Variants in MGAT4D observed in about 807,000 individuals in gnomAD.
MGAT4D encodes the protein MGAT4 family member D, also known as alpha-1,3-mannosyl-glycoprotein 4-beta-N-acetylglucosaminyltransferase-like protein MGAT4D.
Under a neutral mutation model 15.9 loss-of-function variants are expected in MGAT4D, and 34 were observed. The observed-to-expected ratio is 2.14, with a 90% CI of 1.62 to 2.84. The LOEUF is 2.84. MGAT4D is among the 30% of genes most tolerant of loss of function. The pLI is 0.00. For missense variants in MGAT4D, 327 were observed against 140.2 expected (o/e 2.33, Z -6.73); for synonymous variants, 112 against 48.2 (o/e 2.33, Z -5.49).
chr4:140,463,406 C>T (rs541345239), intron 6 of MGAT4D, among the ~76,000 whole-genome samples: 25 of 151,902 alleles, frequency 1.6e-4, no homozygotes, highest in Admixed American at 1.2e-3. Context: ...GCCAAAGGTG[C>T]GAAGGTGTGG....
intron 1 of MGAT4D, among the ~76,000 whole-genome samples, chr4:140,488,291 C>G (rs978895353): frequency 6.6e-6 from 1 of 152,162 alleles, no homozygotes; most frequent in African/African-American, 2.4e-5. Flanking sequence ...GCTGAGATTT[C>G]TATTCTTCCA....
chr4:140,485,850 C>CAAAAAAAAAAAAAAAAAA (rs1578712314), intron 1 of MGAT4D, among the ~76,000 whole-genome samples: 7 of 41,940 alleles, frequency 1.7e-4, no homozygotes, highest in East Asian at 6.1e-4. Flanking sequence ...AAAAAAAAAG[C>CAAAAAAAAAAAAAAAAAA]AATGATGATA....
chr4:140,474,889 T>C lies in MGAT4D; in HGVS notation c.449A>G (p.Gln150Arg), dbSNP rs757144493. ...VNRGNYSYLK[Q>R]TLTSVVSRMT... Reference sequence around the variant, plus strand: ...CCTGGAGACAACAGAGGTCAGTGTCTGTTTCAGGTAACTATAATTTCCTCT... The same window carrying C: ...CCTGGAGACAACAGAGGTCAGTGTCCGTTTCAGGTAACTATAATTTCCTCT... The change falls in exon 4 of 11, where the codon CAG becomes CGG. Residue 150 changes from glutamine (Q) to arginine (R), a missense_variant. Coordinates refer to ENST00000511113, the MANE Select transcript of MGAT4D (RefSeq NM_001277353.2). 1 of 699,526 alleles carries C rather than the reference T, an allele frequency of 1.4e-6. No individual in the cohort carries two copies. Among genetic ancestry groups the C allele is most frequent in the South Asian group, 1.5e-5 (1 of 66,766 alleles). The allele number at this position is 699,526 out of a possible 1,614,324, so 43.3% of individuals were successfully genotyped here. A position where few individuals can be genotyped will look rare whatever the true frequency, so the allele number is the denominator to read the frequency against.
Position 140,494,487 on chromosome 4 carries a change from C to T in MGAT4D, c.94+3642G>A, listed in dbSNP as rs1380332040. 2.0e-5 allele frequency among the ~76,000 whole-genome samples: 3 copies of T among 152,288 alleles called. No individual in the cohort carries two copies. The South Asian group carries it at 6.2e-4, about 32-fold the overall frequency. On this transcript the variant is annotated intron_variant, in intron 1 of 10. Transcript: ENST00000511113. Reference sequence around the variant, plus strand: ...TTGTTCACTCCCTAGGGGATCTCATCCCATTTCATGGCTTTATATGCTAAC... The same window carrying T: ...TTGTTCACTCCCTAGGGGATCTCATTCCATTTCATGGCTTTATATGCTAAC...
intron 3 of MGAT4D, among the ~76,000 whole-genome samples, chr4:140,478,606 G>C (rs777994571): frequency 3.3e-5 from 5 of 152,118 alleles, no homozygotes; most frequent in African/African-American, 4.8e-5. Context: ...AGGCCCTATT[G>C]CATTGGATTG....
chr4:140,491,573 G>A (rs1020212433), intron 1 of MGAT4D, among the ~76,000 whole-genome samples: 7 of 152,042 alleles, frequency 4.6e-5, no homozygotes, highest in South Asian at 4.2e-4. Flanking sequence ...CATAGGAGTC[G>A]GCTGTGGCTC....
chr4:140,490,938 G>T (rs1293601894), intron 1 of MGAT4D, among the ~76,000 whole-genome samples: 1 of 151,948 alleles, frequency 6.6e-6, no homozygotes, highest in African/African-American at 2.4e-5. Flanking sequence ...ATATAGTTAT[G>T]CTATTGTACT....
At chr4:140,450,610 A>C (rs6830503) in intron 10 of MGAT4D, among the ~76,000 whole-genome samples, 90,731 of 152,040 alleles carry the variant, frequency 0.6, 28,304 homozygotes, top group Non-Finnish European at 0.71. Context: ...AAGTAGAAAA[A>C]GCAGAAAGAG....
At chr4:140,444,535 T>G (rs1200671495) in intron 10 of MGAT4D, among the ~76,000 whole-genome samples, 2 of 152,202 alleles carry the variant, frequency 1.3e-5, no homozygotes, top group Non-Finnish European at 2.9e-5. Context: ...TCCATGTGCC[T>G]GCAAAGGACA....
In MGAT4D at chr4:140,442,982, T is replaced by A. The variant is rs1431341; in HGVS notation, c.*454A>T. On this transcript the variant is annotated 3_prime_UTR_variant, in exon 11 of 11. Transcript: ENST00000511113. Reference sequence around the variant, plus strand: ...TTATAGTTTTAAATGCATCTATTAATAGACAAGAAGACATTGTGGCACTGT... The same window carrying A: ...TTATAGTTTTAAATGCATCTATTAAAAGACAAGAAGACATTGTGGCACTGT... 134,617 of 152,198 alleles carry A rather than the reference T, an allele frequency of 0.88. 60,353 individuals are homozygous for A. Among genetic ancestry groups the A allele is most frequent in the East Asian group, 0.99 (5,162 of 5,192 alleles). The allele number at this position is 152,198 out of a possible 1,614,324, so 9.4% of individuals were successfully genotyped here.
chr4:140,496,305 A>G (rs185235630), intron 1 of MGAT4D, among the ~76,000 whole-genome samples: 9 of 152,330 alleles, frequency 5.9e-5, no homozygotes, highest in Non-Finnish European at 1.2e-4. Context: ...GGCATACCTA[A>G]AAAATGAAAA....
chr4:140,493,359 G>C (rs190561304), intron 1 of MGAT4D, among the ~76,000 whole-genome samples: 1 of 146,764 alleles, frequency 6.8e-6, no homozygotes, highest in African/African-American at 2.5e-5. Context: ...GCAGTGGTGC[G>C]ATCTCGGCTT....
rs1262474811 is a variant in MGAT4D, at chr4:140,480,987, T to C, written c.253+1340A>G. 3.9e-5 allele frequency among the ~76,000 whole-genome samples: 6 copies of C among 152,094 alleles called. No individual in the cohort carries two copies. The East Asian group carries it at 1.2e-3, about 29-fold the overall frequency. On this transcript the variant is annotated intron_variant, in intron 2 of 10. Coordinates refer to ENST00000511113, the MANE Select transcript of MGAT4D (RefSeq NM_001277353.2). ...TTCAACATCATTAGTTTCTGGGAAA[T>C]ACAACATAAAGCTATGAGATATCAT...
At chr4:140,490,141 G>A (rs534538835) in intron 1 of MGAT4D, among the ~76,000 whole-genome samples, 1 of 152,290 alleles carries the variant, frequency 6.6e-6, no homozygotes, top group South Asian at 2.1e-4. Context: ...TTTTAAACTT[G>A]CATTTTCTTG....
At chr4:140,455,540 T>C (rs1331193402) in intron 9 of MGAT4D, among the ~76,000 whole-genome samples, 7 of 152,216 alleles carry the variant, frequency 4.6e-5, no homozygotes, top group African/African-American at 1.7e-4. Context: ...TCTACTGTTA[T>C]TGGATGTAGT....
chr4:140,488,951 A>G (rs1428044006), intron 1 of MGAT4D, among the ~76,000 whole-genome samples: 1 of 152,150 alleles, frequency 6.6e-6, no homozygotes, highest in Non-Finnish European at 1.5e-5. Context: ...ACCTTCCTAG[A>G]AGCCAAGCAT....
intron 5 of MGAT4D, among the ~76,000 whole-genome samples, chr4:140,471,227 T>TTACCTTCCTTCCTTCCTTCC (rs1225560660): frequency 2.2e-5 from 3 of 133,686 alleles, no homozygotes; most frequent in South Asian, 2.7e-4. Flanking sequence ...CTCCTTTTTG[T>TTACCTTCCTTCCTTCCTTCC]TTCCTTCCTT....
intron 1 of MGAT4D, among the ~76,000 whole-genome samples, chr4:140,486,479 A>C (rs974148426): frequency 2.0e-5 from 3 of 151,990 alleles, no homozygotes; most frequent in African/African-American, 7.3e-5. Flanking sequence ...TCCTAATGCT[A>C]TCCCTCCCCT....
chr4:140,455,854 A>C (rs1451823005), intron 9 of MGAT4D, among the ~76,000 whole-genome samples: 1 of 152,266 alleles, frequency 6.6e-6, no homozygotes, highest in South Asian at 2.1e-4. Context: ...TAGCTACTAC[A>C]AGCTGGGCAT....
Sources: allele counts gnomAD v4.1 joint callset (sites outside exome capture counted in the v4.1 genomes callset), GRCh38; gene constraint gnomAD v4.1.1; transcripts MANE v1.5; gene names NCBI Gene and HGNC (gene_info 2026-07-23, HGNC 2026-07-21).